CEP112: variants seen among roughly 807,000 people sequenced by gnomAD.
CEP112 encodes the protein centrosomal protein 112.
A neutral mutation model predicts 153.0 loss-of-function variants in CEP112; 127 were observed. That is an observed-to-expected ratio of 0.83 (90% CI 0.72 to 0.96). The LOEUF is 0.96. Ranked by LOEUF, CEP112 falls within the 40% of genes least tolerant of loss-of-function variation. The pLI, the probability that CEP112 is intolerant of heterozygous loss-of-function variation, is 0.00. For synonymous variants in CEP112, 358 were observed against 374.4 expected, an observed-to-expected ratio of 0.96 and a Z score of 0.51; for missense variants, 1,089 against 1,101.2, an observed-to-expected ratio of 0.99 and a Z score of 0.16.
At chr17:66,084,319 CA>C (rs1568472176) in intron 8 of CEP112, among the ~76,000 whole-genome samples, 1 of 151,934 alleles carries the variant, frequency 6.6e-6, no homozygotes, top group African/African-American at 2.4e-5. Flanking sequence ...GTATATACTC[CA>C]AAAAAAGAAA....
In CEP112 at chr17:65,689,006, G is replaced by T. The variant is rs530627593; in HGVS notation, c.2697+123C>A. 1.7e-4 allele frequency: 108 copies of T among 642,424 alleles called. No individual in the cohort carries two copies. In the African/African-American group the frequency reaches 1.9e-3, roughly 11 times the overall value. 39.8% of individuals were successfully genotyped at this position (642,424 alleles called of 1,614,324 possible). ...TAGTCTCGAACTCCTAACTTCAGGTGATCCACCCACCTCGGCCTCCCAAAG... is the reference window on the plus strand; with the variant it reads ...TAGTCTCGAACTCCTAACTTCAGGTTATCCACCCACCTCGGCCTCCCAAAG... On this transcript the variant is annotated intron_variant, in intron 24 of 26. Coordinates refer to ENST00000535342, the MANE Select transcript of CEP112 (RefSeq NM_001199165.4).
intron 20 of CEP112, among the ~76,000 whole-genome samples, chr17:65,856,063 A>C (rs2058110241): frequency 6.6e-6 from 1 of 152,192 alleles, no homozygotes; most frequent in South Asian, 2.1e-4. Flanking sequence ...TCTCCAAAAA[A>C]AGTCCATAAT....
chr17:65,856,634 A>G (rs981544785), intron 20 of CEP112, among the ~76,000 whole-genome samples: 1 of 152,218 alleles, frequency 6.6e-6, no homozygotes, highest in Non-Finnish European at 1.5e-5. Flanking sequence ...GCATAAGTAC[A>G]GTTTTGTTAC....
intron 8 of CEP112, among the ~76,000 whole-genome samples, chr17:66,093,433 T>A (rs896834887): frequency 5.9e-5 from 9 of 151,296 alleles, no homozygotes; most frequent in Non-Finnish European, 7.4e-5. Context: ...AAAAAAAAAA[T>A]TTTTAAAGAC....
chr17:66,052,342 C>A (rs551571484), intron 12 of CEP112, among the ~76,000 whole-genome samples: 1 of 152,228 alleles, frequency 6.6e-6, no homozygotes, highest in Non-Finnish European at 1.5e-5. Context: ...GTATCAGTAA[C>A]AAGACTGATG....
At chr17:66,170,796 G>C (rs1032561627) in intron 4 of CEP112, among the ~76,000 whole-genome samples, 2 of 151,948 alleles carry the variant, frequency 1.3e-5, no homozygotes, top group East Asian at 3.9e-4. Flanking sequence ...AAAATAGGCA[G>C]ATATTTGACA....
intron 18 of CEP112, among the ~76,000 whole-genome samples, chr17:65,935,405 A>G (rs979417483): frequency 6.6e-6 from 1 of 152,140 alleles, no homozygotes; most frequent in African/African-American, 2.4e-5. Flanking sequence ...CTTAAACTAC[A>G]CTTTAGAGCA....
intron 20 of CEP112, among the ~76,000 whole-genome samples, chr17:65,878,327 C>T (rs2058918233): frequency 6.6e-6 from 1 of 152,086 alleles, no homozygotes; most frequent in Non-Finnish European, 1.5e-5. Flanking sequence ...GCATCTTAAA[C>T]ATATAAAGCT....
At chr17:66,169,640 T>C (rs947703551) in intron 4 of CEP112, among the ~76,000 whole-genome samples, 2 of 152,140 alleles carry the variant, frequency 1.3e-5, no homozygotes, top group African/African-American at 2.4e-5. Context: ...ATGCACAAAA[T>C]TGTTAATGGT....
intron 16 of CEP112, among the ~76,000 whole-genome samples, chr17:66,026,089 T>C (rs1246793334): frequency 1.3e-5 from 2 of 151,880 alleles, no homozygotes; most frequent in African/African-American, 2.4e-5. Context: ...CACATGAACG[T>C]AGAGTGTGGA....
At chr17:66,029,823 A>G in intron 13 of CEP112, 46 bp downstream of exon 13, 2 of 1,539,978 alleles carry the variant, frequency 1.3e-6, no homozygotes, top group Non-Finnish European at 1.8e-6. Context: ...AGTTAATATC[A>G]GTACTTTATA....
chr17:65,724,037 G>C (rs2050039832), intron 23 of CEP112, among the ~76,000 whole-genome samples: 1 of 149,990 alleles, frequency 6.7e-6, no homozygotes, highest in Admixed American at 6.7e-5. Context: ...AAGCTGAAGG[G>C]TTCTGCTTCT....
intron 20 of CEP112, among the ~76,000 whole-genome samples, chr17:65,875,453 ATC>A (rs1418020426): frequency 5.3e-5 from 8 of 152,236 alleles, no homozygotes; most frequent in Non-Finnish European, 7.4e-5. Flanking sequence ...TCTTTCAGTT[ATC>A]TGTTTTCAAC....
chr17:66,169,552 G>A (rs2072157235), intron 4 of CEP112, among the ~76,000 whole-genome samples: 1 of 151,984 alleles, frequency 6.6e-6, no homozygotes, highest in African/African-American at 2.4e-5. Flanking sequence ...CCAAAGAGCT[G>A]GGATTACAGG....
chr17:66,006,423 T>C (rs1317758050), intron 16 of CEP112, among the ~76,000 whole-genome samples: 1 of 152,006 alleles, frequency 6.6e-6, no homozygotes, highest in Non-Finnish European at 1.5e-5. Context: ...CTGACCAACA[T>C]GATGAAACCC....
chr17:65,660,241 TTTTG>T (rs1567824139), intron 24 of CEP112, among the ~76,000 whole-genome samples: 1 of 126,044 alleles, frequency 7.9e-6, no homozygotes, highest in African/African-American at 3.1e-5. Flanking sequence ...CCTTCCTCTT[TTTTG>T]TTTTCTTTCT....
intron 20 of CEP112, among the ~76,000 whole-genome samples, chr17:65,884,107 T>C (rs1182720172): frequency 1.3e-5 from 2 of 152,118 alleles, no homozygotes; most frequent in Non-Finnish European, 2.9e-5. Context: ...AGCATATAGT[T>C]GTTAAGGCCA....
intron 17 of CEP112, among the ~76,000 whole-genome samples, chr17:65,972,923 A>G (rs4461105): frequency 0.48 from 73,013 of 151,948 alleles, 18,528 homozygotes; most frequent in East Asian, 0.89. Context: ...CTGCCACCAC[A>G]CCCAGCTAAT....
rs945419057 is a variant in CEP112 at position 65,635,627 on chromosome 17, C to A, written c.*344G>T. On this transcript the variant is annotated 3_prime_UTR_variant, in exon 27 of 27. Transcript: ENST00000535342. ...AGAATTTTTGATATGATACTACAAA[C>A]GTGATTTTGATCGTACGCAACTGGT... is the stretch of plus-strand genomic sequence containing the variant. 6 of 325,624 alleles carry A rather than the reference C, an allele frequency of 1.8e-5. No homozygotes were observed. Among genetic ancestry groups the A allele is most frequent in the Non-Finnish European group, 3.3e-5 (6 of 180,488 alleles). 20.2% of individuals were successfully genotyped at this position (325,624 alleles called of 1,614,324 possible).
Sources: gnomAD v4.1 joint callset for allele counts (sites outside exome capture counted in the v4.1 genomes callset) on GRCh38, gnomAD v4.1.1 for gene constraint, MANE v1.5 for transcripts, NCBI Gene and HGNC (gene_info 2026-07-23, HGNC 2026-07-21) for gene names.